Variants in MACROD2 observed in about 807,000 individuals in gnomAD.
The protein encoded by MACROD2 is mono-ADP ribosylhydrolase 2.
In MACROD2, 36 loss-of-function variants were observed where a neutral mutation model predicts 70.4. The ratio of observed to expected loss-of-function variants is 0.51; its 90% CI spans 0.39 to 0.68. MACROD2 has a LOEUF of 0.68. Among genes scored for constraint, MACROD2 ranks in the 30% least tolerant of loss-of-function variants. The pLI is 0.00. For synonymous variants in MACROD2, 172 were observed against 178.8 expected (o/e 0.96, Z 0.30); for missense variants, 496 against 538.4 (o/e 0.92, Z 0.78).
intron 5 of MACROD2, among the ~76,000 whole-genome samples, chr20:14,806,899 T>C (rs2072645847): frequency 6.6e-6 from 1 of 151,992 alleles, no homozygotes; most frequent in South Asian, 2.1e-4. Context: ...AGATTTCTCC[T>C]CTCTGGGCAG....
intron 7 of MACROD2, among the ~76,000 whole-genome samples, chr20:15,445,706 T>C (rs572968721): frequency 3.9e-5 from 6 of 152,304 alleles, no homozygotes; most frequent in African/African-American, 1.4e-4. Flanking sequence ...TTTTCATTTC[T>C]AAGATCATAG....
intron 2 of MACROD2, among the ~76,000 whole-genome samples, chr20:14,018,404 T>G (rs1038616529): frequency 1.3e-5 from 2 of 152,200 alleles, no homozygotes; most frequent in African/African-American, 4.8e-5. Flanking sequence ...TATGCATTTA[T>G]AGCTCTAAAT....
intron 3 of MACROD2, among the ~76,000 whole-genome samples, chr20:14,474,491 T>C (rs1458418373): frequency 6.6e-6 from 1 of 152,166 alleles, no homozygotes; most frequent in Non-Finnish European, 1.5e-5. Flanking sequence ...GTTCATTTGG[T>C]TAGAATGCAG....
At position 15,198,426 on chromosome 20, in the gene MACROD2, A is replaced by C. The variant is rs1320947242; in HGVS notation, c.419-31514A>C. Among the ~76,000 whole-genome samples, 3 of 152,128 alleles carry C rather than the reference A, an allele frequency of 2.0e-5. No homozygotes were observed. The East Asian group carries it at 5.8e-4, about 29-fold the overall frequency. On this transcript the variant is annotated intron_variant, in intron 5 of 17. Transcript: ENST00000684519. ...TTAGAAGGCATAATAAAAAGCAAAA[A>C]TTCGTCATAAATTTACTGCTCAGAG...
chr20:16,012,584 A>G (rs941592401), intron 15 of MACROD2, among the ~76,000 whole-genome samples: 8 of 152,226 alleles, frequency 5.3e-5, no homozygotes, highest in Non-Finnish European at 1.0e-4. Flanking sequence ...TACAATGGTA[A>G]TCTGTTGCTT....
At chr20:15,386,220 C>G (rs1480106365) in intron 6 of MACROD2, among the ~76,000 whole-genome samples, 1 of 152,196 alleles carries the variant, frequency 6.6e-6, no homozygotes, top group Non-Finnish European at 1.5e-5. Context: ...AGGCAATAGA[C>G]TTCACCACCT....
chr20:14,952,808 AG>A (rs1228282691), intron 5 of MACROD2, among the ~76,000 whole-genome samples: 1 of 152,140 alleles, frequency 6.6e-6, no homozygotes, highest in African/African-American at 2.4e-5. Flanking sequence ...GGGAAGTAAA[AG>A]GTTCAATATC....
chr20:14,079,138 T>TC (rs1252985415), intron 2 of MACROD2, among the ~76,000 whole-genome samples: 1 of 152,246 alleles, frequency 6.6e-6, no homozygotes, highest in African/African-American at 2.4e-5. Context: ...TTTCTTTTAC[T>TC]CTGATTCTTC....
At chr20:14,342,887 GC>G (rs764443144) in intron 3 of MACROD2, among the ~76,000 whole-genome samples, 1 of 151,900 alleles carries the variant, frequency 6.6e-6, no homozygotes, top group Non-Finnish European at 1.5e-5. Flanking sequence ...CTGCCTGCTT[GC>G]CCACCCTCTG....
At chr20:14,335,211 G>C (rs2082915166) in intron 3 of MACROD2, among the ~76,000 whole-genome samples, 1 of 152,132 alleles carries the variant, frequency 6.6e-6, no homozygotes, top group Non-Finnish European at 1.5e-5. Context: ...GCTGATTATT[G>C]TATTTTTCAT....
At chr20:15,165,639 C>T (rs755154904) in intron 5 of MACROD2, among the ~76,000 whole-genome samples, 2 of 152,126 alleles carry the variant, frequency 1.3e-5, no homozygotes, top group Non-Finnish European at 2.9e-5. Context: ...ACTTATTATG[C>T]GCAGGCAATT....
intron 4 of MACROD2, among the ~76,000 whole-genome samples, chr20:14,677,698 C>A (rs938386123): frequency 6.6e-6 from 1 of 152,122 alleles, no homozygotes; most frequent in South Asian, 2.1e-4. Flanking sequence ...TTACCACAGG[C>A]AGTCTTTAAT....
chr20:15,130,826 A>G (rs771181446), intron 5 of MACROD2, among the ~76,000 whole-genome samples: 2 of 152,080 alleles, frequency 1.3e-5, no homozygotes, highest in Non-Finnish European at 2.9e-5. Flanking sequence ...GGGTTAAATA[A>G]ATCTCCTGAG....
intron 5 of MACROD2, among the ~76,000 whole-genome samples, chr20:15,070,141 A>G (rs1466506110): frequency 1.3e-5 from 2 of 152,180 alleles, no homozygotes; most frequent in Non-Finnish European, 2.9e-5. Context: ...GTCAAGGATT[A>G]TGCTGGAGCT....
chr20:14,904,124 A>G (rs1462843711), intron 5 of MACROD2, among the ~76,000 whole-genome samples: 1 of 152,158 alleles, frequency 6.6e-6, no homozygotes, highest in Non-Finnish European at 1.5e-5. Context: ...CTTTAAACAT[A>G]CTGGGATCTT....
intron 8 of MACROD2, among the ~76,000 whole-genome samples, chr20:15,809,594 G>A (rs1202443496): frequency 6.6e-6 from 1 of 152,086 alleles, no homozygotes; most frequent in Non-Finnish European, 1.5e-5. Context: ...ACTCTCACAG[G>A]AACTAATGGA....
intron 5 of MACROD2, among the ~76,000 whole-genome samples, chr20:15,088,949 G>A (rs530168094): frequency 9.9e-5 from 15 of 152,044 alleles, no homozygotes; most frequent in Non-Finnish European, 1.6e-4. Context: ...ACCTATTCAG[G>A]TATTGCTCAT....
intron 3 of MACROD2, among the ~76,000 whole-genome samples, chr20:14,479,793 T>A (rs2084641502): frequency 6.6e-6 from 1 of 152,124 alleles, no homozygotes; most frequent in African/African-American, 2.4e-5. Context: ...TTAAAAAAAA[T>A]CTTCAACATC....
chr20:14,012,852 T>C (rs2052932815), intron 2 of MACROD2, among the ~76,000 whole-genome samples: 1 of 152,190 alleles, frequency 6.6e-6, no homozygotes. Flanking sequence ...GTCACCGCAA[T>C]AGCAATAGAA....
Sources: gnomAD v4.1 joint callset for allele counts (sites outside exome capture counted in the v4.1 genomes callset) on GRCh38, gnomAD v4.1.1 for gene constraint, MANE v1.5 for transcripts, NCBI Gene and HGNC (gene_info 2026-07-23, HGNC 2026-07-21) for gene names.